Variants in NEK11 observed in about 807,000 individuals in gnomAD.
NEK11 encodes the protein serine/threonine-protein kinase Nek11.
A neutral mutation model predicts 80.7 loss-of-function variants in NEK11; 72 were observed. The ratio of observed to expected loss-of-function variants is 0.89; its 90% CI spans 0.74 to 1.08. The LOEUF (loss-of-function observed/expected upper bound fraction) is 1.08. NEK11 is among the 50% of genes least tolerant of loss of function. The probability of loss-of-function intolerance (pLI) is 0.00; values close to 1 mark genes in which losing one functional copy is unlikely to be tolerated. For synonymous variants in NEK11, 251 were observed against 260.7 expected, an observed-to-expected ratio of 0.96 and a Z score of 0.36; for missense variants, 764 against 763.6, an observed-to-expected ratio of 1.00 and a Z score of -0.01.
At chr3:131,213,828 TC>T (rs1368009146) in intron 14 of NEK11, among the ~76,000 whole-genome samples, 1 of 152,036 alleles carries the variant, frequency 6.6e-6, no homozygotes, top group Non-Finnish European at 1.5e-5. Context: ...CATGTTTTTG[TC>T]CCCCCAGATT....
intron 14 of NEK11, among the ~76,000 whole-genome samples, chr3:131,218,039 G>A (rs2094901043): frequency 6.6e-6 from 1 of 152,194 alleles, no homozygotes; most frequent in South Asian, 2.1e-4. Context: ...TTATTTTCTT[G>A]AAGGTCTGAG....
At chr3:131,170,750 A>G in intron 13 of NEK11, 23 bp from the exon 14 acceptor site, 2 of 1,425,312 alleles carry the variant, frequency 1.4e-6, no homozygotes, top group Non-Finnish European at 2.0e-6. Context: ...GCATCTCATG[A>G]ATTGTTAATT....
At chr3:131,273,373 T>A in intron 16 of NEK11, 105 bp from the exon 17 acceptor site, 1 of 734,662 alleles carries the variant, frequency 1.4e-6, no homozygotes, top group South Asian at 1.6e-5. Flanking sequence ...AGCATTACCA[T>A]GTGGCAAAGG....
chr3:131,117,845 G>A (rs112057403), intron 5 of NEK11, among the ~76,000 whole-genome samples: 36 of 152,320 alleles, frequency 2.4e-4, no homozygotes, highest in Non-Finnish European at 4.3e-4. Context: ...TTTTGCTGAA[G>A]TTGCTTATCA....
chr3:131,231,959 G>T (rs1448825003), intron 15 of NEK11, among the ~76,000 whole-genome samples: 2 of 152,256 alleles, frequency 1.3e-5, no homozygotes, highest in East Asian at 3.9e-4. Context: ...CTTTCAAAAA[G>T]AAACACAGCC....
At chr3:131,341,476 G>A (rs2097285102) in intron 17 of NEK11, among the ~76,000 whole-genome samples, 1 of 152,158 alleles carries the variant, frequency 6.6e-6, no homozygotes, top group African/African-American at 2.4e-5. Flanking sequence ...TGTTACATGA[G>A]AGCCTGGGAA....
chr3:131,271,700 C>T (rs2096189459), intron 16 of NEK11, among the ~76,000 whole-genome samples: 1 of 151,958 alleles, frequency 6.6e-6, no homozygotes, highest in Non-Finnish European at 1.5e-5. Context: ...GAGGCTGAGG[C>T]AGGAGAATTG....
chr3:131,242,524 T>A (rs970552364), intron 15 of NEK11, among the ~76,000 whole-genome samples: 2 of 152,154 alleles, frequency 1.3e-5, no homozygotes, highest in Non-Finnish European at 2.9e-5. Context: ...TCAATCACAC[T>A]GGCCATAATA....
intron 14 of NEK11, among the ~76,000 whole-genome samples, chr3:131,182,348 G>A (rs985481938): frequency 3.3e-5 from 5 of 152,146 alleles, no homozygotes; most frequent in African/African-American, 1.2e-4. Context: ...ATAAGTGTGA[G>A]CAGTATAATG....
chr3:131,232,642 C>T (rs2095353033), intron 15 of NEK11, among the ~76,000 whole-genome samples: 1 of 152,144 alleles, frequency 6.6e-6, no homozygotes, highest in South Asian at 2.1e-4. Flanking sequence ...TTAGGAAAAA[C>T]AATTGATTTT....
intron 14 of NEK11, among the ~76,000 whole-genome samples, chr3:131,205,119 T>A (rs1235366193): frequency 6.6e-6 from 1 of 152,210 alleles, no homozygotes; most frequent in Non-Finnish European, 1.5e-5. Flanking sequence ...TATGGCAAGA[T>A]GCTGGAGCTG....
chr3:131,296,049 C>G (rs750590074), intron 17 of NEK11, among the ~76,000 whole-genome samples: 3 of 152,044 alleles, frequency 2.0e-5, no homozygotes, highest in African/African-American at 7.2e-5. Flanking sequence ...CCATGATGTC[C>G]AACCTGGTCT....
chr3:131,182,319 G>A (rs573101161), intron 14 of NEK11, among the ~76,000 whole-genome samples: 1 of 152,250 alleles, frequency 6.6e-6, no homozygotes, highest in East Asian at 1.9e-4. Context: ...AATGATCGTT[G>A]CATTTCATAA....
At chr3:131,301,323 A>G (rs1194449541) in intron 17 of NEK11, among the ~76,000 whole-genome samples, 1 of 152,148 alleles carries the variant, frequency 6.6e-6, no homozygotes, top group East Asian at 1.9e-4. Context: ...ATTATCTACA[A>G]ACAGATAGTT....
chr3:131,112,675 T>C (rs1333700151), intron 5 of NEK11, among the ~76,000 whole-genome samples: 2 of 152,178 alleles, frequency 1.3e-5, no homozygotes, highest in Non-Finnish European at 2.9e-5. Context: ...CAATGGAGGC[T>C]TCTTCTTGGA....
In NEK11 at chr3:131,097,629, G is replaced by A. The variant is rs76133637; in HGVS notation, c.337-12174G>A. Reference sequence around the variant, plus strand: ...GTGAAGGACCTCTCCAAGGAGAACTGCAAACCACTGCTCAATGAAATAAAA... The same window carrying A: ...GTGAAGGACCTCTCCAAGGAGAACTACAAACCACTGCTCAATGAAATAAAA... On this transcript the variant is annotated intron_variant, in intron 4 of 17. Transcript: ENST00000383366. 2.6e-5 allele frequency among the ~76,000 whole-genome samples: 4 copies of A among 152,156 alleles called. No homozygotes were observed. The South Asian group carries it at 8.3e-4, about 32-fold the overall frequency.
chr3:131,299,976 C>G (rs900569197), intron 17 of NEK11, among the ~76,000 whole-genome samples: 4 of 152,220 alleles, frequency 2.6e-5, no homozygotes, highest in African/African-American at 9.6e-5. Flanking sequence ...AATAGCTGAA[C>G]TAATTTACAT....
chr3:131,203,335 A>C (rs1287397873), intron 14 of NEK11, among the ~76,000 whole-genome samples: 2 of 151,406 alleles, frequency 1.3e-5, no homozygotes, highest in Non-Finnish European at 2.9e-5. Context: ...AAGGACAAAA[A>C]ACCAAACACC....
At position 131,163,741 on chromosome 3, in the gene NEK11, C is replaced by T. The variant is rs78062053; in HGVS notation, c.1082+1214C>T. On this transcript the variant is annotated intron_variant, in intron 11 of 17. Coordinates refer to ENST00000383366, the MANE Select transcript of NEK11 (RefSeq NM_024800.5). ...AGAGTAGAGCTTGATTTAATTATCCCACAATGTATACATATATAAAAACAT... is the reference window on the plus strand; with the variant it reads ...AGAGTAGAGCTTGATTTAATTATCCTACAATGTATACATATATAAAAACAT... Among the ~76,000 whole-genome samples the T allele has an allele frequency of 9.2e-3, 1,397 of 152,110 alleles. 14 individuals carry two copies. The highest frequency in any genetic ancestry group is 0.026 in the African/African-American group (1,090 of 41,498).
Sources: gnomAD v4.1 joint callset for allele counts (sites outside exome capture counted in the v4.1 genomes callset) on GRCh38, gnomAD v4.1.1 for gene constraint, MANE v1.5 for transcripts, NCBI Gene and HGNC (gene_info 2026-07-23, HGNC 2026-07-21) for gene names.